ZDHHC5: variants seen among roughly 807,000 people sequenced by gnomAD.
ZDHHC5 encodes palmitoyltransferase ZDHHC5.
In ZDHHC5, 22 loss-of-function variants were observed where a neutral mutation model predicts 70.0. The ratio of observed to expected loss-of-function variants is 0.31; its 90% confidence interval spans 0.22 to 0.45. ZDHHC5 has a LOEUF of 0.45. Ranked by LOEUF, ZDHHC5 falls within the 20% of genes least tolerant of loss-of-function variation. The probability of loss-of-function intolerance (pLI) is 1.00; values close to 1 mark genes in which losing one functional copy is unlikely to be tolerated. For synonymous variants in ZDHHC5, 313 were observed against 347.8 expected, an observed-to-expected ratio of 0.90 and a Z score of 1.11; for missense variants, 746 against 926.9, an observed-to-expected ratio of 0.80 and a Z score of 2.53.
intron 2 of ZDHHC5, among the ~76,000 whole-genome samples, chr11:57,681,929 T>C (rs1002599917): frequency 3.3e-5 from 5 of 152,208 alleles, no homozygotes; most frequent in South Asian, 2.1e-4. Context: ...TAGGCACTTA[T>C]GTGGTTCAGT....
In ZDHHC5 at chr11:57,699,996, G is replaced by A. The variant is rs1463557364; in HGVS notation, c.2113G>A (p.Gly705Arg). 1 of 1,608,794 alleles carries A rather than the reference G, an allele frequency of 6.2e-7. No individual in the cohort carries two copies. Among genetic ancestry groups the A allele is most frequent in the Non-Finnish European group, 8.5e-7 (1 of 1,177,636 alleles). Residue 705 changes from glycine (G) to arginine (R), a missense_variant, in exon 12 of 12, where the codon GGG becomes AGG. By Grantham distance (125) the Gly-to-Arg change is moderately radical. Around this residue, in one of 6 missense-constraint regions of ZDHHC5, gnomAD observed 340 missense variants for 350.1 expected, o/e 0.97. Transcript: ENST00000287169. ...GAGGGGAGGAGTCAAGAAGGTGTCA[G>A]GGGTTGGTGGTACCACCTATGAGAT... ...PTRGGVKKVS[G>R]VGGTTYEISV is the part of the protein sequence containing the mutation.
intron 6 of ZDHHC5, 48 bp downstream of exon 6, chr11:57,690,485 T>C (rs1181335949): frequency 1.3e-6 from 2 of 1,593,566 alleles, no homozygotes; most frequent in Admixed American, 3.3e-5. Flanking sequence ...GTCATGTCTC[T>C]TTAGCCTTCT....
rs1946428936 is a variant in ZDHHC5, at chr11:57,700,478, G to A, written c.*447G>A. The A allele has an allele frequency of 1.3e-5, 2 of 151,378 alleles. No individual in the cohort carries two copies. The highest frequency in any genetic ancestry group is 1.3e-4 in the Admixed American group (2 of 15,124). The allele number at this position is 151,378 out of a possible 1,614,324, so 9.4% of individuals were successfully genotyped here. ...TATATCTATCCTGGGATGGGAAAATGAGGGAGGGATACATATACGGAGGGG... is the reference window on the plus strand; with the variant it reads ...TATATCTATCCTGGGATGGGAAAATAAGGGAGGGATACATATACGGAGGGG... On this transcript the variant is annotated 3_prime_UTR_variant, in exon 12 of 12. Coordinates refer to ENST00000287169, the MANE Select transcript of ZDHHC5 (RefSeq NM_015457.3).
rs770330544 is a variant in ZDHHC5, at chr11:57,673,216, G to A, written c.104+22G>A. The A allele has an allele frequency of 2.5e-6, 4 of 1,610,578 alleles. No homozygotes were observed. In the Admixed American group the frequency reaches 6.7e-5, roughly 27 times the overall value. ...TTACGTGAGTTTTCTCCCAGCAGGG[G>A]TGTTTGGGTGGGTGGATACTCCATG... is the stretch of plus-strand genomic sequence containing the variant. On this transcript the variant is annotated intron_variant, in intron 2 of 11. Transcript: ENST00000287169.
chr11:57,677,632 A>G (rs1273945425), intron 2 of ZDHHC5, among the ~76,000 whole-genome samples: 1 of 152,088 alleles, frequency 6.6e-6, no homozygotes, highest in African/African-American at 2.4e-5. Flanking sequence ...TTGTATGGAA[A>G]TCCATGATGG....
chr11:57,690,974 G>A (rs1946278017), intron 6 of ZDHHC5, among the ~76,000 whole-genome samples: 2 of 152,124 alleles, frequency 1.3e-5, no homozygotes, highest in African/African-American at 4.8e-5. Context: ...TTGTGCATAT[G>A]TACCCTAGAG....
chr11:57,678,300 A>G (rs1946099281), intron 2 of ZDHHC5, among the ~76,000 whole-genome samples: 3 of 152,142 alleles, frequency 2.0e-5, no homozygotes, highest in Admixed American at 2.0e-4. Context: ...GTATCAAGCC[A>G]GCTAGTTTAA....
intron 8 of ZDHHC5, among the ~76,000 whole-genome samples, chr11:57,694,821 C>T (rs952215734): frequency 6.6e-6 from 1 of 152,094 alleles, no homozygotes; most frequent in Non-Finnish European, 1.5e-5. Flanking sequence ...TTTTTAAACC[C>T]TTTCTTCTGC....
At chr11:57,698,172 A>C (rs1447894439) in intron 10 of ZDHHC5, among the ~76,000 whole-genome samples, 1 of 149,932 alleles carries the variant, frequency 6.7e-6, no homozygotes, top group Non-Finnish European at 1.5e-5. Flanking sequence ...CTGTTACGGG[A>C]AAAAAAGAAG....
intron 1 of ZDHHC5, among the ~76,000 whole-genome samples, chr11:57,669,305 G>A (rs1176949614): frequency 6.6e-6 from 1 of 152,122 alleles, no homozygotes; most frequent in African/African-American, 2.4e-5. Context: ...TAGTTGTGTT[G>A]TCCTTGGTAC....
chr11:57,677,553 C>T (rs1415852427), intron 2 of ZDHHC5, among the ~76,000 whole-genome samples: 1 of 152,108 alleles, frequency 6.6e-6, no homozygotes, highest in Non-Finnish European at 1.5e-5. Context: ...TCTCAAAGTC[C>T]TGGGATTACA....
At chr11:57,682,594 A>G (rs1163047548) in intron 3 of ZDHHC5, 51 bp downstream of exon 3, 1 of 1,595,090 alleles carries the variant, frequency 6.3e-7, no homozygotes, top group Non-Finnish European at 8.5e-7. Flanking sequence ...TTGAAAAATA[A>G]TGAGTTGGCC....
At chr11:57,689,149 G>A (rs903814802) in intron 4 of ZDHHC5, among the ~76,000 whole-genome samples, 2 of 152,082 alleles carry the variant, frequency 1.3e-5, no homozygotes, top group East Asian at 3.9e-4. Context: ...ATGCTGTTGT[G>A]TTTCAATTTG....
chr11:57,699,530 C>T, intron 11 of ZDHHC5, 112 bp downstream of exon 11: 20 of 1,445,696 alleles, frequency 1.4e-5, no homozygotes, highest in Non-Finnish European at 1.7e-5. Context: ...CCAGGGGTAT[C>T]CTGGTAGCTC....
chr11:57,699,990 G>A lies in ZDHHC5; in HGVS notation c.2107G>A (p.Val703Met), dbSNP rs1465197452. The change falls in exon 12 of 12, where the codon GTG becomes ATG. Residue 703 changes from valine (V) to methionine (M), a missense_variant. This residue lies in a region of ZDHHC5 where 340 missense variants were observed against 350.1 expected (regional missense o/e 0.97). Coordinates refer to ENST00000287169, the MANE Select transcript of ZDHHC5 (RefSeq NM_015457.3). ...SSPTRGGVKK[V>M]SGVGGTTYEI... ...CCCCACGAGGGGAGGAGTCAAGAAG[G>A]TGTCAGGGGTTGGTGGTACCACCTA... The A allele has an allele frequency of 6.2e-7, 1 of 1,610,148 alleles. No individual in the cohort carries two copies. Among genetic ancestry groups the A allele is most frequent in the Admixed American group, 1.7e-5 (1 of 59,070 alleles).
intron 6 of ZDHHC5, among the ~76,000 whole-genome samples, chr11:57,691,259 A>G (rs550991938): frequency 2.0e-5 from 3 of 152,194 alleles, no homozygotes; most frequent in Admixed American, 2.0e-4. Context: ...TTTAGTAGAG[A>G]CAGGGTTTCA....
At chr11:57,691,777 A>G (rs1219519100) in intron 6 of ZDHHC5, among the ~76,000 whole-genome samples, 2 of 151,964 alleles carry the variant, frequency 1.3e-5, no homozygotes, top group Non-Finnish European at 1.5e-5. Context: ...TCATATACAT[A>G]TAAATATTTA....
Position 57,693,777 on chromosome 11 carries a change from AC to A in ZDHHC5, c.753-5del. ...TGTCTCTCTCTCTCTCTCTCTCGAC[AC>A]TTAGGTATTTGGGGAGACCAAAGAA... On this transcript the variant is annotated splice_region_variant and splice_polypyrimidine_tract_variant and intron_variant, in intron 7 of 11. Transcript: ENST00000287169. The A allele has an allele frequency of 6.4e-7, 1 of 1,555,480 alleles. No homozygotes were observed. Among genetic ancestry groups the A allele is most frequent in the Non-Finnish European group, 8.7e-7 (1 of 1,150,552 alleles).
At position 57,698,940 on chromosome 11, in the gene ZDHHC5, C is replaced by T. The variant is rs778639640; in HGVS notation, c.1504C>T (p.Leu502=). The T allele has an allele frequency of 5.0e-6, 8 of 1,613,946 alleles. No homozygotes were observed. The highest frequency in any genetic ancestry group is 5.9e-6 in the Non-Finnish European group (7 of 1,180,000). ...ACCTTTAGGCTATACCTCTCCCTTC[C>T]TGTCAGCCAGGCTGGCCCAGCAACG... The part of the protein sequence containing the change: ...DPPLGYTSPF[L]SARLAQQREA... The change falls in exon 11 of 12, where the codon CTG becomes TTG. Residue 502 remains leucine (L), a synonymous_variant. Coordinates refer to ENST00000287169, the MANE Select transcript of ZDHHC5 (RefSeq NM_015457.3).
Sources: gnomAD v4.1 joint callset for allele counts (sites outside exome capture counted in the v4.1 genomes callset) on GRCh38, gnomAD v4.1.1 for gene constraint, gnomAD v4.1.1 regional missense constraint, MANE v1.5 for transcripts, NCBI Gene and HGNC (gene_info 2026-07-23, HGNC 2026-07-21) for gene names.